The following APOL1 variants were observed in gnomAD, a reference collection of about 807,000 sequenced individuals.
APOL1 encodes the protein apolipoprotein L1.
APOL1 carries 17 observed loss-of-function variants against 14.9 expected under a neutral mutation model. The observed-to-expected ratio is 1.14, with a 90% CI of 0.78 to 1.71. The LOEUF (loss-of-function observed/expected upper bound fraction) is 1.71. Ranked by LOEUF, APOL1 falls within the 40% of genes most tolerant of loss-of-function variation. The pLI is 0.00. For synonymous variants in APOL1, 195 were observed against 184.8 expected (o/e 1.05, Z -0.45); for missense variants, 523 against 485.9 (o/e 1.08, Z -0.72).
In APOL1 at chr22:36,261,629, A is replaced by C; in HGVS notation, c.221A>C (p.Tyr74Ser). The change falls in exon 5 of 6, where the codon TAT becomes TCT. Residue 74 changes from tyrosine to serine, a missense_variant. Physicochemically the swap from Tyr to Ser is moderately radical, Grantham distance 144. Transcript: ENST00000397278. ...ATCTTTATTGAGGATGCCATTAAGT[A>C]TTTCAAGGAAAAAGTGAGCACACAG... is the stretch of plus-strand genomic sequence containing the variant. ...SSIFIEDAIK[Y>S]FKEKVSTQNL... 1 of 1,613,906 alleles carries C rather than the reference A, an allele frequency of 6.2e-7. No individual in the cohort carries two copies. Among genetic ancestry groups the C allele is most frequent in the Non-Finnish European group, 8.5e-7 (1 of 1,179,848 alleles).
In APOL1 at chr22:36,266,229, T is replaced by A; in HGVS notation, c.*196T>A. The A allele has an allele frequency of 3.6e-6, 2 of 554,794 alleles. No homozygotes were observed. The allele number at this position is 554,794 out of a possible 1,614,324, so 34.4% of individuals were successfully genotyped here. ...CCTTGGCCTCCCAAGTAGCTGGGAC[T>A]ACAGGCGCCTACCACCATGCCCAGC... On this transcript the variant is annotated 3_prime_UTR_variant, in exon 6 of 6. Transcript: ENST00000397278.
At chr22:36,259,671 C>T (rs1569533923) in intron 4 of APOL1, 1 of 1,297,012 alleles carries the variant, frequency 7.7e-7, no homozygotes, top group African/African-American at 1.5e-5. Flanking sequence ...AATAACAGGC[C>T]CAGCTGGGTC....
At position 36,266,821 on chromosome 22, in the gene APOL1, C is replaced by T. The variant is rs185153491; in HGVS notation, c.*788C>T. 1.7e-4 allele frequency: 44 copies of T among 255,338 alleles called. No homozygotes were observed. The highest frequency in any genetic ancestry group is 5.3e-4 in the South Asian group (3 of 5,694). 15.8% of individuals were successfully genotyped at this position (255,338 alleles called of 1,614,324 possible). ...CTGGGCGGCTGAGGCAGGAGAATGG[C>T]GTGAACCTGGGAGGTGGAGCTTGCA... On this transcript the variant is annotated 3_prime_UTR_variant, in exon 6 of 6. Transcript: ENST00000397278.
At position 36,265,980 on chromosome 22, in the gene APOL1, C is replaced by T. The variant is rs774849872; in HGVS notation, c.1144C>T (p.Leu382=). ...GGTGGCTCAGGAGCTGGAGGAGAAG[C>T]TAAACATTCTCAACAATAATTATAA... ...KKVAQELEEK[L]NILNNNYKIL... Residue 382 remains leucine, a synonymous_variant, in exon 6 of 6, where the codon CTA becomes TTA. Coordinates refer to ENST00000397278, the MANE Select transcript of APOL1 (RefSeq NM_003661.4). 2.5e-6 allele frequency: 4 copies of T among 1,613,048 alleles called. No homozygotes were observed. The African/African-American group carries it at 5.4e-5, about 22-fold the overall frequency.
At chr22:36,264,461 C>A (rs2016168817) in intron 5 of APOL1, among the ~76,000 whole-genome samples, 1 of 152,142 alleles carries the variant, frequency 6.6e-6, no homozygotes, top group Non-Finnish European at 1.5e-5. Flanking sequence ...ACTTTCCTGC[C>A]ATCCTGGGAA....
chr22:36,263,992 C>A (rs565215807), intron 5 of APOL1, among the ~76,000 whole-genome samples: 2 of 152,202 alleles, frequency 1.3e-5, no homozygotes, highest in East Asian at 3.9e-4. Flanking sequence ...GGGGGAAGAC[C>A]CTCCCTAAAC....
intron 1 of APOL1, 89 bp from the exon 2 acceptor site, chr22:36,254,848 G>A (rs770673871): frequency 1.3e-6 from 2 of 1,547,546 alleles, no homozygotes; most frequent in African/African-American, 2.7e-5. Flanking sequence ...GGGTGATAGA[G>A]CGAGACTCCA....
rs1241126354 is a variant in APOL1, at chr22:36,265,977, A to C, written c.1141A>C (p.Lys381Gln). Residue 381 changes from lysine (K) to glutamine (Q), a missense_variant, in exon 6 of 6, where the codon AAG becomes CAG. Coordinates refer to ENST00000397278, the MANE Select transcript of APOL1 (RefSeq NM_003661.4). Reference sequence around the variant, plus strand: ...GAAGGTGGCTCAGGAGCTGGAGGAGAAGCTAAACATTCTCAACAATAATTA... The same window carrying C: ...GAAGGTGGCTCAGGAGCTGGAGGAGCAGCTAAACATTCTCAACAATAATTA... ...LKKVAQELEEKLNILNNNYKI... is the reference protein window; with the variant it reads ...LKKVAQELEEQLNILNNNYKI... 4 of 1,613,522 alleles carry C rather than the reference A, an allele frequency of 2.5e-6. 1 individual carries two copies. In the South Asian group the frequency reaches 4.4e-5, roughly 18 times the overall value.
At chr22:36,264,062 G>C (rs1278006790) in intron 5 of APOL1, among the ~76,000 whole-genome samples, 1 of 152,212 alleles carries the variant, frequency 6.6e-6, no homozygotes, top group Non-Finnish European at 1.5e-5. Flanking sequence ...GTGGGTGGCT[G>C]TGGAAGGCCA....
intron 1 of APOL1, among the ~76,000 whole-genome samples, chr22:36,254,505 T>C (rs144109026): frequency 6.5e-4 from 99 of 152,244 alleles, no homozygotes; most frequent in African/African-American, 2.2e-3. Context: ...AGATCTAGGC[T>C]GCAATGAGCT....
rs141898256 is a variant in APOL1 at position 36,265,154 on chromosome 22, T to C, written c.318T>C (p.Asn106=). 1.2e-4 allele frequency: 192 copies of C among 1,613,922 alleles called. No individual in the cohort carries two copies. In the African/African-American group the frequency reaches 2.2e-3, roughly 18 times the overall value. ...GFVAAAELPR[N]EADELRKALD... is the part of the protein sequence containing the mutation. The stretch of plus-strand genomic sequence containing the variant: ...CCTTTAACCTTTCCTTGTGCAGGAA[T>C]GAGGCAGATGAGCTCCGTAAAGCTC... Residue 106 remains asparagine, a synonymous_variant, in exon 6 of 6, where the codon AAT becomes AAC. Coordinates refer to ENST00000397278, the MANE Select transcript of APOL1 (RefSeq NM_003661.4).
intron 2 of APOL1, among the ~76,000 whole-genome samples, chr22:36,256,140 GT>G (rs1239983181): frequency 2.6e-5 from 4 of 152,224 alleles, no homozygotes; most frequent in Admixed American, 1.3e-4. Context: ...TTGATAACAA[GT>G]ATATTTAGTT....
chr22:36,254,002 C>T (rs749368603), intron 1 of APOL1: 2 of 1,613,938 alleles, frequency 1.2e-6, no homozygotes, highest in African/African-American at 1.3e-5. Flanking sequence ...GTGAGTATAA[C>T]TACAGGAGTG....
intron 4 of APOL1, chr22:36,259,704 T>C (rs763788675): frequency 6.9e-6 from 9 of 1,303,790 alleles, no homozygotes; most frequent in Admixed American, 4.6e-5. Context: ...TGGAGAGCCG[T>C]GTACCCTGAG....
chr22:36,261,012 C>T (rs1303432494), intron 4 of APOL1, among the ~76,000 whole-genome samples: 3 of 152,220 alleles, frequency 2.0e-5, no homozygotes, highest in Non-Finnish European at 4.4e-5. Context: ...GATGTTTCCA[C>T]TTCCTTGGCC....
At chr22:36,257,641 G>A in intron 4 of APOL1, 1 of 475,746 alleles carries the variant, frequency 2.1e-6, no homozygotes, top group Non-Finnish European at 3.8e-6. Context: ...TCCCTACCCT[G>A]GCACCTAGCA....
At chr22:36,257,469 C>T in intron 4 of APOL1, 62 bp downstream of exon 4, 1 of 1,503,496 alleles carries the variant, frequency 6.7e-7, no homozygotes, top group Non-Finnish European at 9.3e-7. Flanking sequence ...GGTGGCACCT[C>T]CACAGCTGAG....
Position 36,265,981 on chromosome 22 carries a change from T to C in APOL1, c.1145T>C (p.Leu382Pro). The change falls in exon 6 of 6, where the codon CTA becomes CCA. Residue 382 changes from leucine (L) to proline (P), a missense_variant. Transcript: ENST00000397278. ...KKVAQELEEK[L>P]NILNNNYKIL... The stretch of plus-strand genomic sequence containing the variant: ...GTGGCTCAGGAGCTGGAGGAGAAGC[T>C]AAACATTCTCAACAATAATTATAAG... 1 of 1,613,030 alleles carries C rather than the reference T, an allele frequency of 6.2e-7. No homozygotes were observed. Among genetic ancestry groups the C allele is most frequent in the Non-Finnish European group, 8.5e-7 (1 of 1,179,900 alleles).
At position 36,261,685 on chromosome 22, in the gene APOL1, G is replaced by T; in HGVS notation, c.277G>T (p.Ala93Ser). The change falls in exon 5 of 6, where the codon GCC becomes TCC. Residue 93 changes from alanine to serine, a missense_variant. Ala to Ser is a moderately conservative substitution (Grantham distance 99). Transcript: ENST00000397278. ...NLLLLLTDNE[A>S]WNGFVAAAEL... ...GCTACTCCTGCTGACTGATAATGAG[G>T]CCTGGAACGGATTCGTGGCTGCTGC... is the stretch of plus-strand genomic sequence containing the variant. 1 of 1,614,088 alleles carries T rather than the reference G, an allele frequency of 6.2e-7. No individual in the cohort carries two copies. Among genetic ancestry groups the T allele is most frequent in the Non-Finnish European group, 8.5e-7 (1 of 1,179,978 alleles).
Sources: gnomAD v4.1 joint callset for allele counts (sites outside exome capture counted in the v4.1 genomes callset) on GRCh38, gnomAD v4.1.1 for gene constraint, MANE v1.5 for transcripts, NCBI Gene and HGNC (gene_info 2026-07-23, HGNC 2026-07-21) for gene names.